The following TENM2 variants were observed in gnomAD, a reference collection of about 807,000 sequenced individuals.
The protein encoded by TENM2 is teneurin transmembrane protein 2, also known as teneurin-2.
Under a neutral mutation model 245.2 loss-of-function variants are expected in TENM2, and 52 were observed. The observed-to-expected ratio is 0.21, with a 90% CI of 0.17 to 0.27. The LOEUF is 0.27. TENM2 is among the 10% of genes least tolerant of loss of function. The pLI is 1.00. For missense variants in TENM2, 3,046 were observed against 3,666.8 expected, an observed-to-expected ratio of 0.83 and a Z score of 4.37; for synonymous variants, 1,363 against 1,438.9, an observed-to-expected ratio of 0.95 and a Z score of 1.19.
At chr5:167,266,569 T>C in the TENM2 span, among the ~76,000 whole-genome samples, 3 of 152,198 alleles carry the variant, frequency 2.0e-5, no homozygotes, top group Admixed American at 6.5e-5. Flanking sequence ...AAGCCTGATA[T>C]TTTGATCCAA....
chr5:167,928,803 C>A (rs1284041418), intron 3 of TENM2, among the ~76,000 whole-genome samples: 3 of 135,946 alleles, frequency 2.2e-5, no homozygotes, highest in Non-Finnish European at 4.6e-5. Flanking sequence ...GGCTGAGGCA[C>A]AAGAATCACT....
the TENM2 span, among the ~76,000 whole-genome samples, chr5:167,092,246 A>C: frequency 6.6e-6 from 1 of 152,130 alleles, no homozygotes; most frequent in Non-Finnish European, 1.5e-5. Flanking sequence ...TCCATAAATG[A>C]GGTTTTATGG....
At chr5:167,757,077 T>A (rs891891367) in intron 2 of TENM2, among the ~76,000 whole-genome samples, 13 of 150,104 alleles carry the variant, frequency 8.7e-5, no homozygotes, top group African/African-American at 2.7e-4. Context: ...TTATATTTTT[T>A]ATTTTTTTAT....
chr5:168,262,214 A>C (rs774077538), exon 29 of TENM2: 1 of 1,608,390 alleles, frequency 6.2e-7, no homozygotes, highest in South Asian at 1.1e-5. Context: ...GTTTGCCATC[A>C]AAGAAGGGCG....
intron 12 of TENM2, among the ~76,000 whole-genome samples, chr5:168,136,660 G>T (rs1755076448): frequency 6.6e-6 from 1 of 152,104 alleles, no homozygotes; most frequent in South Asian, 2.1e-4. Context: ...TTTTGTCCCA[G>T]CGCTGAGCTG....
At chr5:168,257,562 G>GGGGAGATCCT (rs1392369063) in intron 27 of TENM2, among the ~76,000 whole-genome samples, 5 of 152,096 alleles carry the variant, frequency 3.3e-5, no homozygotes, top group Non-Finnish European at 7.4e-5. Flanking sequence ...TGAAAGAAGT[G>GGGGAGATCCT]GGGAGACCCT....
At chr5:167,179,715 A>G in the TENM2 span, among the ~76,000 whole-genome samples, 1 of 152,180 alleles carries the variant, frequency 6.6e-6, no homozygotes, top group Non-Finnish European at 1.5e-5. Context: ...GAAGAAATTC[A>G]GAGATAGATT....
chr5:167,772,091 G>C (rs1426286430), intron 2 of TENM2, among the ~76,000 whole-genome samples: 1 of 152,106 alleles, frequency 6.6e-6, no homozygotes, highest in Non-Finnish European at 1.5e-5. Context: ...TGGCATTTCA[G>C]CCATCTGTTG....
intron 19 of TENM2, among the ~76,000 whole-genome samples, chr5:168,209,541 T>G (rs1762628282): frequency 1.3e-5 from 2 of 152,156 alleles, no homozygotes; most frequent in South Asian, 2.1e-4. Flanking sequence ...CAACTTCTCT[T>G]TAGTTAGAAC....
chr5:167,302,452 T>C (rs1487857178), intron 1 of TENM2, among the ~76,000 whole-genome samples: 1 of 144,812 alleles, frequency 6.9e-6, no homozygotes, highest in Non-Finnish European at 1.5e-5. Flanking sequence ...GTTCTTACCC[T>C]CCAGAAAAGG....
chr5:168,253,420 C>CATT (rs1293739023), intron 27 of TENM2, among the ~76,000 whole-genome samples: 4 of 137,818 alleles, frequency 2.9e-5, no homozygotes, highest in African/African-American at 1.1e-4. Flanking sequence ...TAAATGCATT[C>CATT]ATTATTTTAT....
chr5:167,078,094 A>G, the TENM2 span, among the ~76,000 whole-genome samples: 1 of 152,004 alleles, frequency 6.6e-6, no homozygotes. Flanking sequence ...AATATAAACT[A>G]TAAGTAAGTC....
chr5:167,090,450 C>T, the TENM2 span, among the ~76,000 whole-genome samples: 1 of 152,126 alleles, frequency 6.6e-6, no homozygotes, highest in Non-Finnish European at 1.5e-5. Context: ...GATAATGAGG[C>T]ATACAGCAAT....
intron 5 of TENM2, among the ~76,000 whole-genome samples, chr5:167,994,498 C>A (rs905333458): frequency 6.6e-6 from 1 of 152,228 alleles, no homozygotes; most frequent in African/African-American, 2.4e-5. Flanking sequence ...TGACTGTGCA[C>A]CCCCACAGAT....
chr5:167,079,276 C>T, the TENM2 span, among the ~76,000 whole-genome samples: 3 of 148,610 alleles, frequency 2.0e-5, no homozygotes, highest in African/African-American at 7.4e-5. Flanking sequence ...TATATACACA[C>T]ACACACACAC....
At chr5:167,732,344 A>G (rs1330085787) in intron 2 of TENM2, among the ~76,000 whole-genome samples, 2 of 152,176 alleles carry the variant, frequency 1.3e-5, no homozygotes, top group Non-Finnish European at 2.9e-5. Flanking sequence ...TGTGAATGCA[A>G]TGTCCATTAT....
At chr5:167,627,730 G>A (rs1027595936) in intron 2 of TENM2, among the ~76,000 whole-genome samples, 2 of 151,880 alleles carry the variant, frequency 1.3e-5, no homozygotes, top group African/African-American at 4.8e-5. Context: ...GCTAATTTTT[G>A]TATTTTAATA....
chr5:167,721,162 T>C (rs565068294), intron 2 of TENM2, among the ~76,000 whole-genome samples: 15 of 152,282 alleles, frequency 9.9e-5, no homozygotes, highest in African/African-American at 3.6e-4. Flanking sequence ...TTTGATGTTA[T>C]ACCTAATCCC....
the TENM2 span, among the ~76,000 whole-genome samples, chr5:167,097,551 T>C: frequency 6.6e-6 from 1 of 152,218 alleles, no homozygotes; most frequent in African/African-American, 2.4e-5. Flanking sequence ...GTAGTTGTTA[T>C]AATCCATTTT....
Sources: gnomAD v4.1 joint callset for allele counts (sites outside exome capture counted in the v4.1 genomes callset) on GRCh38, gnomAD v4.1.1 for gene constraint, MANE v1.5 for transcripts, NCBI Gene and HGNC (gene_info 2026-07-23, HGNC 2026-07-21) for gene names.